AGAP1: variants seen among roughly 807,000 people sequenced by gnomAD.
The protein encoded by AGAP1 is ArfGAP with GTPase domain, ankyrin repeat and PH domain 1.
Under a neutral mutation model 105.3 loss-of-function variants are expected in AGAP1, and 29 were observed. That is an observed-to-expected ratio of 0.28 (90% CI 0.21 to 0.38). The LOEUF (loss-of-function observed/expected upper bound fraction) is 0.38. Among genes scored for constraint, AGAP1 ranks in the 10% least tolerant of loss-of-function variants. AGAP1 has a pLI of 1.00. For missense variants in AGAP1, 998 were observed against 1,165.1 expected (o/e 0.86, Z 2.09); for synonymous variants, 509 against 485.9 (o/e 1.05, Z -0.63).
At chr2:235,632,350 C>T (rs1419429675) in intron 1 of AGAP1, among the ~76,000 whole-genome samples, 1 of 152,182 alleles carries the variant, frequency 6.6e-6, no homozygotes, top group Non-Finnish European at 1.5e-5. Context: ...CGGGGTGCCT[C>T]AGAGTAGTGA....
At chr2:235,501,443 C>T (rs181227061) in intron 1 of AGAP1, among the ~76,000 whole-genome samples, 2 of 152,236 alleles carry the variant, frequency 1.3e-5, no homozygotes, top group East Asian at 1.9e-4. Flanking sequence ...GCTGAAAGCG[C>T]GTTTCTGTAA....
rs1271016337 is a variant in AGAP1 at position 235,829,768 on chromosome 2, C to T, written c.1050+22437C>T. 2.0e-5 allele frequency among the ~76,000 whole-genome samples: 3 copies of T among 152,272 alleles called. No homozygotes were observed. In the East Asian group the frequency reaches 5.8e-4, roughly 29 times the overall value. On this transcript the variant is annotated intron_variant, in intron 9 of 17. Coordinates refer to ENST00000304032, the MANE Select transcript of AGAP1 (RefSeq NM_001037131.3). ...TCCATCCTTGCAGCAGTGGGTGGCC[C>T]CTCTGTGCTGGGCTCTGTGGAAGGC...
Position 235,930,852 on chromosome 2 carries a change from G to T in AGAP1, c.1412G>T (p.Arg471Leu). The change falls in exon 12 of 18, where the codon CGC becomes CTC. Residue 471 changes from arginine to leucine, a missense_variant. By Grantham distance (102) the Arg-to-Leu change is moderately radical. Around this residue, in one of 3 missense-constraint regions of AGAP1, gnomAD observed 735 missense variants for 833.4 expected, o/e 0.88. Coordinates refer to ENST00000304032, the MANE Select transcript of AGAP1 (RefSeq NM_001037131.3). This position sits in a 1 kb window ranked among gnomAD's most constrained non-coding sequence, Gnocchi z 7.9. ...AGCCGACCCGACGGCATGCACCAGC[G>T]CTCCTACTCAGTCTCCAGTGCCGAC... ...FNSRPDGMHQ[R>L]SYSVSSADQW... 5 of 1,614,154 alleles carry T rather than the reference G, an allele frequency of 3.1e-6. No homozygotes were observed. The highest frequency in any genetic ancestry group is 1.1e-5 in the South Asian group (1 of 91,082).
Position 236,050,155 on chromosome 2 carries a change from T to A in AGAP1, c.2114+874T>A, listed in dbSNP as rs2057853289. On this transcript the variant is annotated intron_variant, in intron 16 of 17. Coordinates refer to ENST00000304032, the MANE Select transcript of AGAP1 (RefSeq NM_001037131.3). The surrounding 1 kb of genome is among the most constrained non-coding windows in gnomAD (Gnocchi z 4.0). ...TTTAGGTTCCTCTGATTTGTTTTGC[T>A]GCTGATCAGATAAAATGAAAGTTCA... Among the ~76,000 whole-genome samples, 2 of 152,228 alleles carry A rather than the reference T, an allele frequency of 1.3e-5. No individual in the cohort carries two copies. Among genetic ancestry groups the A allele is most frequent in the Non-Finnish European group, 2.9e-5 (2 of 68,032 alleles).
chr2:235,998,178 C>A (rs1046058392), intron 13 of AGAP1, among the ~76,000 whole-genome samples: 1 of 152,190 alleles, frequency 6.6e-6, no homozygotes, highest in Non-Finnish European at 1.5e-5. Flanking sequence ...AGAGAGCAAG[C>A]GTTAAGCTCT....
At chr2:235,912,749 C>A (rs1330456122) in intron 11 of AGAP1, among the ~76,000 whole-genome samples, 1 of 152,334 alleles carries the variant, frequency 6.6e-6, no homozygotes, top group Non-Finnish European at 1.5e-5. Flanking sequence ...GAAAACTCTT[C>A]CCATCCATAG....
intron 7 of AGAP1, among the ~76,000 whole-genome samples, chr2:235,798,391 A>G (rs1227108742): frequency 1.3e-5 from 2 of 152,246 alleles, no homozygotes; most frequent in East Asian, 1.9e-4. Flanking sequence ...AACTCAACCA[A>G]CAACCTCCTA....
rs143939746 is a variant in AGAP1, at chr2:236,055,845, C to T, written c.2114+6564C>T. 2.6e-5 allele frequency among the ~76,000 whole-genome samples: 4 copies of T among 152,350 alleles called. No individual in the cohort carries two copies. The highest frequency in any genetic ancestry group is 6.5e-5 in the Admixed American group (1 of 15,306). On this transcript the variant is annotated intron_variant, in intron 16 of 17. Transcript: ENST00000304032. This position sits in a 1 kb window ranked among gnomAD's most constrained non-coding sequence, Gnocchi z 6.2. ...TGGAATCAGACTGAGAGAACCATAACTCACTTAGCCACCCTTCATGACTGG... is the reference window on the plus strand; with the variant it reads ...TGGAATCAGACTGAGAGAACCATAATTCACTTAGCCACCCTTCATGACTGG...
chr2:236,112,661 CG>C (rs2125942470), intron 16 of AGAP1, among the ~76,000 whole-genome samples: 1 of 151,910 alleles, frequency 6.6e-6, no homozygotes, highest in East Asian at 1.9e-4. Context: ...GTGGGCATCC[CG>C]GCCCAAGCTC....
intron 1 of AGAP1, among the ~76,000 whole-genome samples, chr2:235,658,750 A>G (rs188170293): frequency 6.6e-6 from 1 of 152,276 alleles, no homozygotes; most frequent in East Asian, 1.9e-4. Flanking sequence ...GATTTGGGAG[A>G]TAATCCTAAT....
chr2:236,116,367 T>TTTTTTTTTTTTTTTG (rs1553578895), intron 16 of AGAP1, among the ~76,000 whole-genome samples: 4 of 150,526 alleles, frequency 2.7e-5, no homozygotes, highest in African/African-American at 4.9e-5. Flanking sequence ...CTTTTTTTTT[T>TTTTTTTTTTTTTTTG]GAGAGAGAGT....
At chr2:236,054,749 C>G (rs922336160) in intron 16 of AGAP1, among the ~76,000 whole-genome samples, 1 of 152,158 alleles carries the variant, frequency 6.6e-6, no homozygotes, top group Non-Finnish European at 1.5e-5. Flanking sequence ...CCTGTCTGCC[C>G]TCATCTATTT....
At chr2:236,071,940 G>A (rs569116324) in intron 16 of AGAP1, among the ~76,000 whole-genome samples, 40 of 152,204 alleles carry the variant, frequency 2.6e-4, no homozygotes, top group Non-Finnish European at 3.1e-4. Flanking sequence ...ATTATCCACC[G>A]TTGTGGTAAA....
chr2:236,070,070 C>T (rs943475777), intron 16 of AGAP1, among the ~76,000 whole-genome samples: 4 of 152,254 alleles, frequency 2.6e-5, no homozygotes, highest in African/African-American at 9.6e-5. Context: ...CATCTGCTGG[C>T]TGTGGCGCTG....
chr2:235,517,977 C>T lies in AGAP1; in HGVS notation c.163+23128C>T, dbSNP rs1334737371. Among the ~76,000 whole-genome samples the T allele has an allele frequency of 1.3e-5, 2 of 150,808 alleles. No homozygotes were observed. The highest frequency in any genetic ancestry group is 4.9e-5 in the African/African-American group (2 of 40,968). On this transcript the variant is annotated intron_variant, in intron 1 of 17. Transcript: ENST00000304032. The surrounding 1 kb of genome is among the most constrained non-coding windows in gnomAD (Gnocchi z 4.1). ...AAAAAAAGGTAGAACTCATAGTTGC[C>T]ATTGAGGTCTGAGTCCCGGCTTGCC...
At chr2:235,507,372 G>C (rs543578990) in intron 1 of AGAP1, 1 of 152,436 alleles carries the variant, frequency 6.6e-6, no homozygotes, top group African/African-American at 2.4e-5. Flanking sequence ...TGGAGGAGTC[G>C]GGGGCGTCCC....
At chr2:235,862,679 A>G (rs970716248) in intron 9 of AGAP1, among the ~76,000 whole-genome samples, 1 of 152,220 alleles carries the variant, frequency 6.6e-6, no homozygotes, top group East Asian at 1.9e-4. Context: ...TTCTTTAATC[A>G]GGAGGAAAGT....
At chr2:235,804,033 C>T (rs1348175219) in intron 8 of AGAP1, among the ~76,000 whole-genome samples, 1 of 152,136 alleles carries the variant, frequency 6.6e-6, no homozygotes, top group Admixed American at 6.5e-5. Flanking sequence ...GTGTACTCAC[C>T]ACACGCTTCA....
intron 1 of AGAP1, among the ~76,000 whole-genome samples, chr2:235,667,980 A>C (rs1407398837): frequency 6.8e-6 from 1 of 147,818 alleles, no homozygotes; most frequent in Non-Finnish European, 1.5e-5. Context: ...AAAAAAAAAA[A>C]AAAAGTCTTC....
Sources: gnomAD v4.1 joint callset for allele counts (sites outside exome capture counted in the v4.1 genomes callset) on GRCh38, gnomAD v4.1.1 for gene constraint, gnomAD v4.1.1 regional missense constraint, Gnocchi (gnomAD v3.1) non-coding constraint, MANE v1.5 for transcripts, NCBI Gene and HGNC (gene_info 2026-07-23, HGNC 2026-07-21) for gene names.